SETDB1: variants seen among roughly 807,000 people sequenced by gnomAD.
SETDB1 encodes SET domain bifurcated histone lysine methyltransferase 1.
A neutral mutation model predicts 137.4 loss-of-function variants in SETDB1; 31 were observed. The observed-to-expected ratio is 0.23, with a 90% CI of 0.17 to 0.30. The LOEUF (loss-of-function observed/expected upper bound fraction) is 0.30. SETDB1 is among the 10% of genes least tolerant of loss of function. SETDB1 has a pLI of 1.00. For synonymous variants in SETDB1, 548 were observed against 579.9 expected, an observed-to-expected ratio of 0.95 and a Z score of 0.79; for missense variants, 1,113 against 1,631.5, an observed-to-expected ratio of 0.68 and a Z score of 5.47.
chr1:150,961,158 G>A lies in SETDB1; in HGVS notation c.3099G>A (p.Lys1033=), dbSNP rs749286247. Residue 1033 remains lysine, a synonymous_variant, in exon 16 of 22, where the codon AAG becomes AAA. Coordinates refer to ENST00000692827, the MANE Select transcript of SETDB1 (RefSeq NM_001366418.1). ...EKASTSGLGI[K]DEGDIKQAKK... ...CCTCCACCTCAGGACTAGGCATCAA[G>A]GATGAGGGAGACATCAAACAGGCCA... The A allele has an allele frequency of 6.2e-7, 1 of 1,613,834 alleles. No individual in the cohort carries two copies. The highest frequency in any genetic ancestry group is 1.7e-5 in the Admixed American group (1 of 60,024).
intron 1 of SETDB1, chr1:150,926,925 T>C (rs1217033730): frequency 2.0e-6 from 1 of 488,116 alleles, no homozygotes; most frequent in Admixed American, 2.5e-5. Context: ...AAATTCCACA[T>C]GGAAGCAAAG....
chr1:150,961,811 A>G (rs1670832306), intron 16 of SETDB1: 1 of 348,664 alleles, frequency 2.9e-6, no homozygotes, highest in African/African-American at 2.1e-5. Flanking sequence ...AAGTAGAGAA[A>G]CAAGAATTGA....
intron 10 of SETDB1, among the ~76,000 whole-genome samples, chr1:150,947,850 A>C (rs116471422): frequency 3.2e-3 from 480 of 152,256 alleles, no homozygotes; most frequent in African/African-American, 0.011. Context: ...TTTCCTGCCA[A>C]AATTAGTTGG....
intron 10 of SETDB1, among the ~76,000 whole-genome samples, chr1:150,947,660 A>G (rs1170950986): frequency 6.6e-6 from 1 of 152,190 alleles, no homozygotes; most frequent in African/African-American, 2.4e-5. Flanking sequence ...GCTGTAGTCC[A>G]GGCTACTCAA....
chr1:150,928,183 G>C, intron 2 of SETDB1: 1 of 562,050 alleles, frequency 1.8e-6, no homozygotes, highest in Non-Finnish European at 3.1e-6. Flanking sequence ...TCCCCCTCCC[G>C]AGTAGCTGGA....
chr1:150,934,744 A>G (rs2102658216), intron 3 of SETDB1, among the ~76,000 whole-genome samples: 1 of 151,944 alleles, frequency 6.6e-6, no homozygotes, highest in East Asian at 1.9e-4. Context: ...TTCCAGCCAG[A>G]CGGTTTCCTT....
At chr1:150,931,114 G>A (rs1237910579) in intron 3 of SETDB1, among the ~76,000 whole-genome samples, 1 of 151,706 alleles carries the variant, frequency 6.6e-6, no homozygotes, top group Non-Finnish European at 1.5e-5. Context: ...AAAAAAATTA[G>A]CCAGGCATGG....
Position 150,951,079 on chromosome 1 carries a change from G to A in SETDB1, c.2205G>A (p.Gly735=). The change falls in exon 13 of 22, where the codon GGG becomes GGA. Residue 735 remains glycine (G), a synonymous_variant. Coordinates refer to ENST00000692827, the MANE Select transcript of SETDB1 (RefSeq NM_001366418.1). ...TGGTTGGCTGTGACTGCAAGGATGG[G>A]TGTCGGGACAAGTGAGTTGGTGGGG... The part of the protein sequence containing the change: ...EFLVGCDCKD[G]CRDKSKCACH... The A allele has an allele frequency of 6.2e-7, 1 of 1,608,408 alleles. No homozygotes were observed. Among genetic ancestry groups the A allele is most frequent in the East Asian group, 2.2e-5 (1 of 44,744 alleles).
intron 21 of SETDB1, 72 bp from the exon 22 acceptor site, chr1:150,964,175 C>T: frequency 2.0e-6 from 3 of 1,522,118 alleles, no homozygotes; most frequent in East Asian, 2.3e-5. Flanking sequence ...ACTCCACCTA[C>T]ATATTCAGTA....
chr1:150,933,761 CTTTTTCTTTTTCTTTTTCT>C (rs2102652976), intron 3 of SETDB1, among the ~76,000 whole-genome samples: 1 of 113,414 alleles, frequency 8.8e-6, no homozygotes, highest in East Asian at 2.4e-4. Flanking sequence ...TTTTCTTTTT[CTTTTTCTTTTTCTTTTTCT>C]TTTTTTTTTT....
intron 12 of SETDB1, among the ~76,000 whole-genome samples, chr1:150,950,113 A>G (rs1303099585): frequency 6.6e-6 from 1 of 152,146 alleles, no homozygotes. Flanking sequence ...GCATGCCTGT[A>G]ATCCCAGCTA....
intron 3 of SETDB1, among the ~76,000 whole-genome samples, chr1:150,934,303 T>C (rs945776761): frequency 6.6e-6 from 1 of 151,962 alleles, no homozygotes; most frequent in African/African-American, 2.4e-5. Context: ...AAACCCCGTC[T>C]CTACTAAAAA....
At chr1:150,944,172 G>T (rs1376204884) in intron 8 of SETDB1, among the ~76,000 whole-genome samples, 179 bp downstream of exon 8, 1 of 152,110 alleles carries the variant, frequency 6.6e-6, no homozygotes, top group Non-Finnish European at 1.5e-5. Flanking sequence ...CAGTTTTATT[G>T]TTCATCTCCA....
chr1:150,944,484 CTT>C lies in SETDB1; in HGVS notation c.950-431_950-430del, dbSNP rs1452461470. On this transcript the variant is annotated intron_variant, in intron 8 of 21. Coordinates refer to ENST00000692827, the MANE Select transcript of SETDB1 (RefSeq NM_001366418.1). ...TTAACTGCAGAAGAATCAACTAACA[CTT>C]TTGTTTACACATAACATGACAGTAA... Among the ~76,000 whole-genome samples, 9 of 152,314 alleles carry C rather than the reference CTT, an allele frequency of 5.9e-5. No individual in the cohort carries two copies. The East Asian group carries it at 1.5e-3, about 26-fold the overall frequency.
At position 150,951,043 on chromosome 1, in the gene SETDB1, C is replaced by T; in HGVS notation, c.2169C>T (p.Gly723=). 6.2e-7 allele frequency: 1 copy of T among 1,612,944 alleles called. No individual in the cohort carries two copies. ...GCAAGGGTGTTTTCATTAACACAGG[C>T]CCTGAATTTCTGGTTGGCTGTGACT... ...IPGKGVFINT[G]PEFLVGCDCK... The change falls in exon 13 of 22, where the codon GGC becomes GGT. Residue 723 remains glycine (G), a synonymous_variant. Coordinates refer to ENST00000692827, the MANE Select transcript of SETDB1 (RefSeq NM_001366418.1).
chr1:150,955,213 T>C (rs1299471363), intron 14 of SETDB1, among the ~76,000 whole-genome samples: 1 of 152,262 alleles, frequency 6.6e-6, no homozygotes, highest in Non-Finnish European at 1.5e-5. Context: ...GATTTGATAA[T>C]GCTGGGTGGT....
intron 3 of SETDB1, among the ~76,000 whole-genome samples, chr1:150,935,736 T>A (rs1669925483): frequency 6.6e-6 from 1 of 152,210 alleles, no homozygotes; most frequent in Admixed American, 6.5e-5. Flanking sequence ...GAGATTCTCT[T>A]GTTGATTAAG....
intron 2 of SETDB1, 71 bp from the exon 3 acceptor site, chr1:150,929,896 A>G (rs1343934043): frequency 9.4e-6 from 12 of 1,271,348 alleles, no homozygotes; most frequent in Non-Finnish European, 1.3e-5. Flanking sequence ...ATATATATAC[A>G]TCGTAATGGA....
At chr1:150,957,743 A>T (rs1670688998) in intron 14 of SETDB1, among the ~76,000 whole-genome samples, 1 of 152,148 alleles carries the variant, frequency 6.6e-6, no homozygotes, top group Non-Finnish European at 1.5e-5. Flanking sequence ...TTGCTTTGTC[A>T]TTCAGGCTGG....
Sources: gnomAD v4.1 joint callset for allele counts (sites outside exome capture counted in the v4.1 genomes callset) on GRCh38, gnomAD v4.1.1 for gene constraint, MANE v1.5 for transcripts, NCBI Gene and HGNC (gene_info 2026-07-23, HGNC 2026-07-21) for gene names.